SARDH: variants seen among roughly 807,000 people sequenced by gnomAD.
SARDH encodes sarcosine dehydrogenase, mitochondrial.
SARDH carries 95 observed loss-of-function variants against 109.1 expected under a neutral mutation model. The observed-to-expected ratio is 0.87, with a 90% CI of 0.74 to 1.03. SARDH has a LOEUF of 1.03. Ranked by LOEUF, SARDH falls within the 50% of genes least tolerant of loss-of-function variation. SARDH has a pLI of 0.00. For missense variants in SARDH, 1,267 were observed against 1,287.8 expected, an observed-to-expected ratio of 0.98 and a Z score of 0.25; for synonymous variants, 572 against 534.8, an observed-to-expected ratio of 1.07 and a Z score of -0.96.
In SARDH at chr9:133,732,519, C is replaced by A; in HGVS notation, c.414G>T (p.Glu138Asp). ...AGCCCGTGTGTAGTCCCGTCTCCTC[C>A]TCCAGCTCCCGGCTCACCACCCGCC... ...HTRRVVSREL[E>D]EETGLHTGWI... The change falls in exon 3 of 21, where the codon GAG (glutamate) becomes GAT (aspartate). Residue 138 changes from glutamate (E) to aspartate (D), a missense_variant. Transcript: ENST00000439388. 1 of 1,613,936 alleles carries A rather than the reference C, an allele frequency of 6.2e-7. No individual in the cohort carries two copies. Among genetic ancestry groups the A allele is most frequent in the Non-Finnish European group, 8.5e-7 (1 of 1,179,926 alleles).
At chr9:133,714,230 A>G (rs949885325) in intron 8 of SARDH, among the ~76,000 whole-genome samples, 1 of 152,174 alleles carries the variant, frequency 6.6e-6, no homozygotes, top group South Asian at 2.1e-4. Context: ...CTGGAGAGCA[A>G]TCAGGGCCCC....
rs1832171310 is a variant in SARDH, at chr9:133,717,529, G to A, written c.1021-74C>T. 4 of 1,583,382 alleles carry A rather than the reference G, an allele frequency of 2.5e-6. No individual in the cohort carries two copies. The South Asian group carries it at 4.5e-5, about 18-fold the overall frequency. ...TGCATCCCCATGCCAAACCTGCCTT[G>A]TGATGGCTGCCAGGCCAGCCTCTGC... On this transcript the variant is annotated intron_variant, in intron 7 of 20. Coordinates refer to ENST00000439388, the MANE Select transcript of SARDH (RefSeq NM_001134707.2).
intron 17 of SARDH, among the ~76,000 whole-genome samples, chr9:133,672,818 C>G (rs1286915948): frequency 6.6e-6 from 1 of 152,226 alleles, no homozygotes; most frequent in South Asian, 2.1e-4. Flanking sequence ...CCGTCGCAGA[C>G]GGGCCTTCCA....
In SARDH at chr9:133,717,415, C is replaced by A. The variant is rs1021010268; in HGVS notation, c.1061G>T (p.Trp354Leu). Residue 354 changes from tryptophan (W) to leucine (L), a missense_variant, in exon 8 of 21, where the codon TGG becomes TTG. Transcript: ENST00000439388. ...KFAFGLFDLD[W>L]EVFTQHIEGA... ...TTCAATGTGCTGGGTGAACACCTCCCAGTCCAGGTCAAAGAGGCCGAAGGC... is the reference window on the plus strand; with the variant it reads ...TTCAATGTGCTGGGTGAACACCTCCAAGTCCAGGTCAAAGAGGCCGAAGGC... The A allele has an allele frequency of 2.5e-6, 4 of 1,614,144 alleles. No individual in the cohort carries two copies. The highest frequency in any genetic ancestry group is 3.4e-6 in the Non-Finnish European group (4 of 1,179,996).
In SARDH at chr9:133,715,007, G is replaced by A. The variant is rs571263898; in HGVS notation, c.1151-1883C>T. ...ACTCATGCGGGTTGAGTAACCCGAG[G>A]ACACATGGGACCTCCAGGCAACATG... On this transcript the variant is annotated intron_variant, in intron 8 of 20. Coordinates refer to ENST00000439388, the MANE Select transcript of SARDH (RefSeq NM_001134707.2). Among the ~76,000 whole-genome samples the A allele has an allele frequency of 3.2e-3, 490 of 152,304 alleles. 3 individuals are homozygous for A. The highest frequency in any genetic ancestry group is 0.011 in the African/African-American group (469 of 41,568).
intron 16 of SARDH, among the ~76,000 whole-genome samples, chr9:133,687,164 A>C (rs978783340): frequency 2.0e-5 from 3 of 152,246 alleles, no homozygotes; most frequent in African/African-American, 7.2e-5. Context: ...AGGAACCAGC[A>C]AGAAAGCACA....
At chr9:133,673,910 C>T (rs543510624) in intron 17 of SARDH, among the ~76,000 whole-genome samples, 33 of 152,318 alleles carry the variant, frequency 2.2e-4, no homozygotes, top group South Asian at 1.7e-3. Flanking sequence ...AGGGAGCAGT[C>T]CCATCCTTCC....
intron 17 of SARDH, among the ~76,000 whole-genome samples, chr9:133,683,727 T>C (rs1404957673): frequency 6.6e-6 from 1 of 152,134 alleles, no homozygotes; most frequent in South Asian, 2.1e-4. Context: ...CATCGCCAGA[T>C]TGTTTATCTG....
chr9:133,664,399 C>A (rs936919462), intron 20 of SARDH, among the ~76,000 whole-genome samples: 2 of 152,098 alleles, frequency 1.3e-5, no homozygotes, highest in Non-Finnish European at 2.9e-5. Context: ...CGGCTCGAAT[C>A]CCTCGGGGCA....
chr9:133,690,066 T>C (rs974133040), intron 16 of SARDH, among the ~76,000 whole-genome samples: 1 of 152,156 alleles, frequency 6.6e-6, no homozygotes, highest in African/African-American at 2.4e-5. Context: ...AAATCTGGCC[T>C]GGTTCTGCCC....
At chr9:133,732,298 A>C in intron 3 of SARDH, 125 bp downstream of exon 3, 23 of 285,116 alleles carry the variant, frequency 8.1e-5, no homozygotes, top group Non-Finnish European at 1.3e-4. Flanking sequence ...CCCCCAGCGT[A>C]CCTCCACCCT....
In SARDH at chr9:133,678,572, G is replaced by A. The variant is rs76649024; in HGVS notation, c.2163+6621C>T. 5.1e-3 allele frequency among the ~76,000 whole-genome samples: 772 copies of A among 152,320 alleles called. 12 individuals are homozygous for A. Among genetic ancestry groups the A allele is most frequent in the African/African-American group, 0.017 (694 of 41,564 alleles). On this transcript the variant is annotated intron_variant, in intron 17 of 20. Transcript: ENST00000439388. ...CTCCGCCTACCTTGTCTGACTGTGG[G>A]TCATAAGACCTTTGCTCCAGGGGTC...
chr9:133,660,082 T>A (rs181707599), downstream of SARDH, among the ~76,000 whole-genome samples: 98 of 57,322 alleles, frequency 1.7e-3, 1 homozygote, highest in Middle Eastern at 0.032. Flanking sequence ...CCACTCACAC[T>A]CTTGCTCTCA....
At position 133,694,307 on chromosome 9, in the gene SARDH, G is replaced by A. The variant is rs112883474; in HGVS notation, c.1872C>T (p.Ser624=). The A allele has an allele frequency of 8.4e-6, 13 of 1,550,652 alleles. No individual in the cohort carries two copies. Among genetic ancestry groups the A allele is most frequent in the African/African-American group, 6.8e-5 (5 of 73,164 alleles). ...AGGCCTGGTGGCTGGGTGCCAGGCG[G>A]CTGACAGTCAGGTCACTCTCGGTGC... ...RGGTESDLTV[S]RLAPSHQASP... The change falls in exon 15 of 21, where the codon AGC becomes AGT. Residue 624 remains serine, a synonymous_variant. Coordinates refer to ENST00000439388, the MANE Select transcript of SARDH (RefSeq NM_001134707.2).
intron 17 of SARDH, among the ~76,000 whole-genome samples, chr9:133,682,500 A>G (rs1830731104): frequency 6.6e-6 from 1 of 152,164 alleles, no homozygotes; most frequent in South Asian, 2.1e-4. Flanking sequence ...GCCGCTGACC[A>G]CCATGTCCCA....
intron 8 of SARDH, 41 bp from the exon 9 acceptor site, chr9:133,713,165 G>C: frequency 6.4e-7 from 1 of 1,553,714 alleles, no homozygotes; most frequent in Non-Finnish European, 8.8e-7. Flanking sequence ...CTTTTGCAGT[G>C]CACATACTCT....
At chr9:133,716,424 T>C (rs1478890326) in intron 8 of SARDH, among the ~76,000 whole-genome samples, 3 of 152,228 alleles carry the variant, frequency 2.0e-5, no homozygotes, top group Non-Finnish European at 4.4e-5. Flanking sequence ...CCCGTGGTTA[T>C]AAACACTGGG....
rs1830351640 is a variant in SARDH at position 133,671,590 on chromosome 9, C to T, written c.2271G>A (p.Lys757=). ...VYRAVMAAGA[K]HGLINAGYRA... ...GGTACCCTGCGTTGATGAGGCCGTGCTTGGCACCCGCGGCCATCACAGCCC... is the reference window on the plus strand; with the variant it reads ...GGTACCCTGCGTTGATGAGGCCGTGTTTGGCACCCGCGGCCATCACAGCCC... Residue 757 remains lysine, a synonymous_variant, in exon 18 of 21, where the codon AAG becomes AAA. Coordinates refer to ENST00000439388, the MANE Select transcript of SARDH (RefSeq NM_001134707.2). 1 of 1,606,980 alleles carries T rather than the reference C, an allele frequency of 6.2e-7. No individual in the cohort carries two copies. Among genetic ancestry groups the T allele is most frequent in the Non-Finnish European group, 8.5e-7 (1 of 1,177,532 alleles).
At chr9:133,737,387 G>A (rs1832920227) in intron 1 of SARDH, among the ~76,000 whole-genome samples, 1 of 152,128 alleles carries the variant, frequency 6.6e-6, no homozygotes, top group Non-Finnish European at 1.5e-5. Context: ...TGCCTGCAGA[G>A]GTGGCCCCGG....
Sources: allele counts gnomAD v4.1 joint callset (sites outside exome capture counted in the v4.1 genomes callset), GRCh38; gene constraint gnomAD v4.1.1; transcripts MANE v1.5; gene names NCBI Gene and HGNC (gene_info 2026-07-23, HGNC 2026-07-21).